Variants in ARHGEF11 observed in about 807,000 individuals in gnomAD.
ARHGEF11 encodes Rho guanine nucleotide exchange factor 11.
In ARHGEF11, 55 loss-of-function variants were observed where a neutral mutation model predicts 193.7. That is an observed-to-expected ratio of 0.28 (90% CI 0.23 to 0.36). ARHGEF11 has a LOEUF of 0.36. ARHGEF11 is among the 10% of genes least tolerant of loss of function. The probability of loss-of-function intolerance (pLI) is 1.00; values close to 1 mark genes in which losing one functional copy is unlikely to be tolerated. For missense variants in ARHGEF11, 1,723 were observed against 2,005.6 expected (o/e 0.86, Z 2.69); for synonymous variants, 693 against 768.0 (o/e 0.90, Z 1.62).
Position 156,940,208 on chromosome 1 carries a change from A to G in ARHGEF11, c.3732T>C (p.Asp1244=). The G allele has an allele frequency of 7.6e-6, 12 of 1,575,548 alleles. No homozygotes were observed. Among genetic ancestry groups the G allele is most frequent in the Non-Finnish European group, 1.0e-5 (12 of 1,157,452 alleles). Reference sequence around the variant, plus strand: ...ACGGCAGGGCCTTGAAGCACTCACCATCTTCCAGAGCGGAGTCAGCGAGCC... The same window carrying G: ...ACGGCAGGGCCTTGAAGCACTCACCGTCTTCCAGAGCGGAGTCAGCGAGCC... ...MEGLADSALE[D]VENLRHLILW... is the part of the protein sequence containing the mutation. The change falls in exon 36 of 41, where the codon GAT becomes GAC. Residue 1244 remains aspartate, a splice_region_variant and synonymous_variant. Coordinates refer to ENST00000368194, the MANE Select transcript of ARHGEF11 (RefSeq NM_198236.3).
At chr1:157,046,448 TC>T (rs1361535269), upstream of ARHGEF11, among the ~76,000 whole-genome samples, 239 of 152,196 alleles carry the variant, frequency 1.6e-3, no homozygotes, top group Non-Finnish European at 2.8e-3. Context: ...GCTCACCCTC[TC>T]TCCACCTCTC....
rs148237254 is a variant in ARHGEF11 at position 156,940,423 on chromosome 1, T to G, written c.3517A>C (p.Thr1173Pro). Residue 1173 changes from threonine to proline, a missense_variant and splice_region_variant, in exon 36 of 41, where the codon ACT becomes CCT. Coordinates refer to ENST00000368194, the MANE Select transcript of ARHGEF11 (RefSeq NM_198236.3). The stretch of plus-strand genomic sequence containing the variant: ...CCTTGGACCCTCTGCTGGGACCCAG[T>G]GCCTGTTTCGGATGAGAGAAGATTG... Reference protein sequence around the residue: ...EPEPEELPGGTGSQQRVQGKH... With the variant: ...EPEPEELPGGPGSQQRVQGKH... 31 of 1,598,062 alleles carry G rather than the reference T, an allele frequency of 1.9e-5. No individual in the cohort carries two copies. The African/African-American group carries it at 3.8e-4, about 19-fold the overall frequency.
At chr1:156,938,600 G>A (rs1656040887) in intron 37 of ARHGEF11, 87 bp from the exon 38 acceptor site, 4 of 1,297,820 alleles carry the variant, frequency 3.1e-6, no homozygotes, top group Admixed American at 1.8e-5. Context: ...AGAGAGGGCA[G>A]GAGGTGGGGA....
intron 20 of ARHGEF11, 55 bp downstream of exon 20, chr1:156,955,648 G>T: frequency 7.2e-7 from 1 of 1,396,886 alleles, no homozygotes; most frequent in Non-Finnish European, 1.0e-6. Context: ...GTACATGAAA[G>T]GGCTGAGGTC....
chr1:156,948,650 G>A lies in ARHGEF11; in HGVS notation c.1926-152C>T. The A allele has an allele frequency of 1.3e-6, 2 of 1,557,988 alleles. No homozygotes were observed. The highest frequency in any genetic ancestry group is 1.7e-6 in the Non-Finnish European group (2 of 1,156,794). ...TGGCCAAAGCAGCTGGATGGCAGTG[G>A]AAGCTTCTCAATGACAGACTATTTT... On this transcript the variant is annotated intron_variant, in intron 22 of 40. Coordinates refer to ENST00000368194, the MANE Select transcript of ARHGEF11 (RefSeq NM_198236.3). This position sits in a 1 kb window ranked among gnomAD's most constrained non-coding sequence, Gnocchi z 4.2.
chr1:156,979,361 CTTTTTTTTTTTT>C, intron 4 of ARHGEF11, 75 bp from the exon 5 acceptor site: 1 of 506,104 alleles, frequency 2.0e-6, no homozygotes. Flanking sequence ...CAAAATGCCA[CTTTTTTTTTTTT>C]TTTTTTTTTT....
chr1:157,024,938 T>C (rs1008810398), intron 1 of ARHGEF11, among the ~76,000 whole-genome samples: 4 of 152,210 alleles, frequency 2.6e-5, no homozygotes, highest in African/African-American at 9.6e-5. Context: ...AAATGTGTGT[T>C]AGATATGTCA....
intron 3 of ARHGEF11, 142 bp downstream of exon 3, chr1:156,984,197 G>T: frequency 1.7e-6 from 1 of 585,818 alleles, no homozygotes; most frequent in Non-Finnish European, 2.8e-6. Flanking sequence ...CATTGAAGAG[G>T]CTTCCCCACG....
At chr1:156,971,898 A>G in intron 7 of ARHGEF11, 82 bp from the exon 8 acceptor site, 1 of 1,467,718 alleles carries the variant, frequency 6.8e-7, no homozygotes. Flanking sequence ...ACCAGTGGGG[A>G]GAATAGGCAG....
At position 156,971,825 on chromosome 1, in the gene ARHGEF11, G is replaced by C; in HGVS notation, c.583-9C>G. 6.2e-7 allele frequency: 1 copy of C among 1,609,374 alleles called. No individual in the cohort carries two copies. Among genetic ancestry groups the C allele is most frequent in the South Asian group, 1.1e-5 (1 of 90,830 alleles). ...TAGACCTCACAGATACGCTAGGGAT[G>C]GGTGAGGAGGAGAAGGGGGAGGGGA... On this transcript the variant is annotated splice_polypyrimidine_tract_variant and intron_variant, in intron 7 of 40. Transcript: ENST00000368194.
rs191524455 is a variant in ARHGEF11, at chr1:157,033,976, G to A, written c.32+10323C>T. On this transcript the variant is annotated intron_variant, in intron 1 of 40. Transcript: ENST00000368194. ...CATAAGCTCCTTAAGGGCAAGGTAT[G>A]CAGCATATTCTGGTTGAATCCTTGA... 5.0e-4 allele frequency among the ~76,000 whole-genome samples: 76 copies of A among 152,330 alleles called. 1 individual carries two copies. The highest frequency in any genetic ancestry group is 4.4e-3 in the Admixed American group (67 of 15,302).
At position 156,959,051 on chromosome 1, in the gene ARHGEF11, G is replaced by C; in HGVS notation, c.1374C>G (p.Asp458Glu). 1 of 1,614,244 alleles carries C rather than the reference G, an allele frequency of 6.2e-7. No individual in the cohort carries two copies. Among genetic ancestry groups the C allele is most frequent in the South Asian group, 1.1e-5 (1 of 91,082 alleles). Residue 458 changes from aspartate (D) to glutamate (E), a missense_variant, in exon 16 of 41, where the codon GAC becomes GAG. By Grantham distance (45) the Asp-to-Glu change is conservative. Coordinates refer to ENST00000368194, the MANE Select transcript of ARHGEF11 (RefSeq NM_198236.3). ...AGGTCAGCTCCTGGGCCAACCTGTA[G>C]TCGTGGATCTGCTCTTGGATCTCAG... is the stretch of plus-strand genomic sequence containing the variant. ...AMPEIQEQIH[D>E]YRTKRTLGLG...
At chr1:157,043,398 G>A (rs1672995917) in intron 1 of ARHGEF11, among the ~76,000 whole-genome samples, 1 of 152,142 alleles carries the variant, frequency 6.6e-6, no homozygotes, top group Non-Finnish European at 1.5e-5. Flanking sequence ...GGAAGGAAAA[G>A]GCAGACACCT....
intron 1 of ARHGEF11, among the ~76,000 whole-genome samples, chr1:157,007,899 GT>G (rs11290114): frequency 0.61 from 77,929 of 128,644 alleles, 22,962 homozygotes; most frequent in East Asian, 0.76. Flanking sequence ...GAAGGCAAAG[GT>G]TTTTTTTTTT....
At chr1:156,958,453 G>A (rs576007148) in intron 17 of ARHGEF11, among the ~76,000 whole-genome samples, 4 of 152,274 alleles carry the variant, frequency 2.6e-5, no homozygotes, top group African/African-American at 9.6e-5. Context: ...AGGGAGAGAG[G>A]TCAGGAGGAG....
chr1:156,958,725 G>A lies in ARHGEF11; in HGVS notation c.1502+17C>T. 1 of 1,614,110 alleles carries A rather than the reference G, an allele frequency of 6.2e-7. No individual in the cohort carries two copies. Among genetic ancestry groups the A allele is most frequent in the Non-Finnish European group, 8.5e-7 (1 of 1,180,014 alleles). ...CTTAGGATGTTCAGTGGGGTGGGAGGAAGCTGAAAGACTCACAAAATATCT... is the reference window on the plus strand; with the variant it reads ...CTTAGGATGTTCAGTGGGGTGGGAGAAAGCTGAAAGACTCACAAAATATCT... On this transcript the variant is annotated intron_variant, in intron 17 of 40. Transcript: ENST00000368194.
chr1:156,969,427 G>T, intron 9 of ARHGEF11, 69 bp from the exon 10 acceptor site: 1 of 1,458,832 alleles, frequency 6.9e-7, no homozygotes. Flanking sequence ...CTTTATTCTG[G>T]GCACCTGTGT....
intron 1 of ARHGEF11, among the ~76,000 whole-genome samples, chr1:157,020,066 GTGAGCCAAGATCACGCCACTGCA>G (rs1222291623): frequency 6.6e-6 from 1 of 151,432 alleles, no homozygotes; most frequent in East Asian, 1.9e-4. Context: ...GGAGCTTGCA[GTGAGCCAAGATCACGCCACTGCA>G]CTCCAGCCTG....
At chr1:157,013,299 A>ACACACACACACACACACACACACACC (rs534893600) in intron 1 of ARHGEF11, among the ~76,000 whole-genome samples, 8 of 148,624 alleles carry the variant, frequency 5.4e-5, no homozygotes, top group Non-Finnish European at 1.2e-4. Context: ...ACACACACAC[A>ACACACACACACACACACACACACACC]CCAAGAACCT....
Sources: allele counts gnomAD v4.1 joint callset (sites outside exome capture counted in the v4.1 genomes callset), GRCh38; gene constraint gnomAD v4.1.1; non-coding constraint Gnocchi (gnomAD v3.1); transcripts MANE v1.5; gene names NCBI Gene and HGNC (gene_info 2026-07-23, HGNC 2026-07-21).